Variants in PTP4A1 observed in about 807,000 individuals in gnomAD.
PTP4A1 encodes the protein protein tyrosine phosphatase type IVA 1.
Under a neutral mutation model 20.5 loss-of-function variants are expected in PTP4A1, and 9 were observed. The ratio of observed to expected loss-of-function variants is 0.44; its 90% confidence interval spans 0.26 to 0.77. The LOEUF is 0.77. PTP4A1 is among the 30% of genes least tolerant of loss of function. PTP4A1 has a pLI of 0.19. For missense variants in PTP4A1, 137 were observed against 218.8 expected (o/e 0.63, Z 2.36); for synonymous variants, 78 against 67.4 (o/e 1.16, Z -0.77).
At chr6:63,560,428 G>A (rs1776893570) in intron 3 of PTP4A1, among the ~76,000 whole-genome samples, 1 of 145,220 alleles carries the variant, frequency 6.9e-6, no homozygotes. Context: ...TTGAGACAGA[G>A]TCTCATTCTG....
rs542927405 is a variant in PTP4A1 at position 63,582,822 on chromosome 6, T to C, written c.*2648T>C. ...CCATTGTTTCCCCTAGTGCCCTCTT[T>C]TCCCTAGGGCATTGCTCTCCTATTC... On this transcript the variant is annotated 3_prime_UTR_variant, in exon 6 of 6. Coordinates refer to ENST00000626021, the MANE Select transcript of PTP4A1 (RefSeq NM_003463.5). 1.3e-5 allele frequency: 2 copies of C among 152,300 alleles called. No homozygotes were observed. Among genetic ancestry groups the C allele is most frequent in the South Asian group, 4.2e-4 (2 of 4,818 alleles). 9.4% of individuals were successfully genotyped at this position (152,300 alleles called of 1,614,324 possible).
intron 1 of PTP4A1, chr6:63,521,895 A>T (rs1774939410): frequency 6.6e-6 from 1 of 152,226 alleles, no homozygotes; most frequent in Non-Finnish European, 1.5e-5. Flanking sequence ...AACAATGGGA[A>T]TCTTATAAAA....
At chr6:63,556,168 T>G (rs1269361728) in intron 3 of PTP4A1, among the ~76,000 whole-genome samples, 1 of 152,074 alleles carries the variant, frequency 6.6e-6, no homozygotes, top group Non-Finnish European at 1.5e-5. Context: ...TTTAAAAAAT[T>G]TTTTACTGTG....
At chr6:63,544,719 T>G (rs934523072) in intron 2 of PTP4A1, among the ~76,000 whole-genome samples, 4 of 152,168 alleles carry the variant, frequency 2.6e-5, no homozygotes, top group African/African-American at 9.7e-5. Context: ...TTCTGATGTT[T>G]CCTCATGATT....
intron 2 of PTP4A1, among the ~76,000 whole-genome samples, chr6:63,532,403 T>C (rs929124068): frequency 6.6e-6 from 1 of 152,182 alleles, no homozygotes; most frequent in African/African-American, 2.4e-5. Context: ...GCTCACATAC[T>C]ACCAGTACCA....
At chr6:63,533,157 GGGTCACTTGA>G (rs1775549034) in intron 2 of PTP4A1, among the ~76,000 whole-genome samples, 1 of 152,174 alleles carries the variant, frequency 6.6e-6, no homozygotes, top group Non-Finnish European at 1.5e-5. Context: ...TGAGGCAGGT[GGGTCACTTGA>G]GGTCACGAGT....
intron 3 of PTP4A1, among the ~76,000 whole-genome samples, chr6:63,553,146 A>G (rs569769977): frequency 6.6e-6 from 1 of 152,310 alleles, no homozygotes; most frequent in South Asian, 2.1e-4. Context: ...CCTCCAAAGT[A>G]TACAATTCAA....
chr6:63,536,556 A>G (rs528573740), intron 2 of PTP4A1, among the ~76,000 whole-genome samples: 4 of 152,288 alleles, frequency 2.6e-5, no homozygotes, highest in African/African-American at 9.6e-5. Flanking sequence ...ACAAATCACC[A>G]CTTATATTTT....
rs773256959 is a variant in PTP4A1, at chr6:63,581,547, A to C, written c.*1373A>C. On this transcript the variant is annotated 3_prime_UTR_variant, in exon 6 of 6. Transcript: ENST00000626021. ...TGTGTGTCCTCATCTTTTTACAAAT[A>C]AATGAAGGATTATAAATGATGTCAG... 2 of 152,316 alleles carry C rather than the reference A, an allele frequency of 1.3e-5. No homozygotes were observed. Among genetic ancestry groups the C allele is most frequent in the Non-Finnish European group, 2.9e-5 (2 of 68,010 alleles). The allele number at this position is 152,316 out of a possible 1,614,324, so 9.4% of individuals were successfully genotyped here. A position where few individuals can be genotyped will look rare whatever the true frequency, so the allele number is the denominator to read the frequency against.
At chr6:63,562,454 C>A (rs1013392073) in intron 3 of PTP4A1, among the ~76,000 whole-genome samples, 11 of 152,200 alleles carry the variant, frequency 7.2e-5, no homozygotes, top group Non-Finnish European at 1.5e-5. Flanking sequence ...CTGTCTTGGC[C>A]TCCCAAAGTG....
In PTP4A1 at chr6:63,581,173, A is replaced by G. The variant is rs562456039; in HGVS notation, c.*999A>G. The stretch of plus-strand genomic sequence containing the variant: ...TTTTTCCTTCCCAACCTCTCTTGCA[A>G]AAAAAGAAATGGGTTTCTGCTAATG... On this transcript the variant is annotated 3_prime_UTR_variant, in exon 6 of 6. Transcript: ENST00000626021. 1 of 152,576 alleles carries G rather than the reference A, an allele frequency of 6.6e-6. No individual in the cohort carries two copies. The highest frequency in any genetic ancestry group is 1.5e-5 in the Non-Finnish European group (1 of 67,978). The allele number at this position is 152,576 out of a possible 1,614,324, so 9.5% of individuals were successfully genotyped here. A position where few individuals can be genotyped will look rare whatever the true frequency, so the allele number is the denominator to read the frequency against.
chr6:63,530,280 C>T (rs1046345850), intron 2 of PTP4A1, among the ~76,000 whole-genome samples: 2 of 152,018 alleles, frequency 1.3e-5, no homozygotes, highest in Non-Finnish European at 2.9e-5. Flanking sequence ...ATAGATGTAA[C>T]CTTGTAAGAG....
chr6:63,520,113 A>C (rs1774868046), upstream of PTP4A1, among the ~76,000 whole-genome samples: 1 of 152,204 alleles, frequency 6.6e-6, no homozygotes, highest in South Asian at 2.1e-4. Context: ...TAACCACTGG[A>C]TCTCTTGCAT....
At chr6:63,575,652 T>G (rs1385016994) in intron 1 of PTP4A1, among the ~76,000 whole-genome samples, 1 of 152,186 alleles carries the variant, frequency 6.6e-6, no homozygotes, top group Non-Finnish European at 1.5e-5. Flanking sequence ...ATTTTGGTTT[T>G]AAAATACAAA....
At chr6:63,575,539 G>A (rs1457304455) in intron 1 of PTP4A1, among the ~76,000 whole-genome samples, 2 of 152,040 alleles carry the variant, frequency 1.3e-5, no homozygotes, top group Non-Finnish European at 2.9e-5. Flanking sequence ...ATATTTATTG[G>A]TTACAGTAGT....
Position 63,525,359 on chromosome 6 carries a change from G to A in PTP4A1, c.-905-2460G>A, listed in dbSNP as rs1159553182. Among the ~76,000 whole-genome samples, 8 of 152,278 alleles carry A rather than the reference G, an allele frequency of 5.3e-5. No individual in the cohort carries two copies. The East Asian group carries it at 7.7e-4, about 15-fold the overall frequency. On this transcript the variant is annotated intron_variant, in intron 1 of 3. Transcript: ENST00000639568. Reference sequence around the variant, plus strand: ...CTTCCGGTTAGATTCTGCCAATGGGGGAGCTAGAGAGAGAACAGACGGGAG... The same window carrying A: ...CTTCCGGTTAGATTCTGCCAATGGGAGAGCTAGAGAGAGAACAGACGGGAG...
intron 2 of PTP4A1, among the ~76,000 whole-genome samples, chr6:63,530,004 T>C (rs1186254426): frequency 6.6e-6 from 1 of 152,186 alleles, no homozygotes; most frequent in Non-Finnish European, 1.5e-5. Flanking sequence ...TTATGAGTAA[T>C]ATTTCACTTT....
chr6:63,533,622 G>C (rs1775570782), intron 2 of PTP4A1, among the ~76,000 whole-genome samples: 1 of 152,068 alleles, frequency 6.6e-6, no homozygotes. Context: ...AGGGACTAGA[G>C]CACATGATTA....
intron 2 of PTP4A1, among the ~76,000 whole-genome samples, chr6:63,548,258 A>T (rs898007641): frequency 6.6e-6 from 1 of 152,204 alleles, no homozygotes; most frequent in Non-Finnish European, 1.5e-5. Flanking sequence ...ATCCAGATTC[A>T]AATTATTTGT....
Sources: allele counts gnomAD v4.1 joint callset (sites outside exome capture counted in the v4.1 genomes callset), GRCh38; gene constraint gnomAD v4.1.1; transcripts MANE v1.5; gene names NCBI Gene and HGNC (gene_info 2026-07-23, HGNC 2026-07-21).